The following PTPRR variants were observed in gnomAD, a reference collection of about 807,000 sequenced individuals.
PTPRR encodes receptor-type tyrosine-protein phosphatase R.
A neutral mutation model predicts 77.2 loss-of-function variants in PTPRR; 38 were observed. The observed-to-expected ratio is 0.49, with a 90% CI of 0.38 to 0.65. The LOEUF is 0.65. PTPRR is among the 30% of genes least tolerant of loss of function. The pLI is 0.00. For missense variants in PTPRR, 744 were observed against 799.2 expected (o/e 0.93, Z 0.83); for synonymous variants, 299 against 283.1 (o/e 1.06, Z -0.57).
At chr12:70,800,427 A>C (rs1891595530) in intron 2 of PTPRR, among the ~76,000 whole-genome samples, 2 of 152,234 alleles carry the variant, frequency 1.3e-5, no homozygotes, top group South Asian at 4.1e-4. Context: ...ATAAGCAGAA[A>C]CTTGAATATA....
At chr12:70,672,580 G>A (rs1243090443) in intron 10 of PTPRR, 1 of 1,425,406 alleles carries the variant, frequency 7.0e-7, no homozygotes, top group Non-Finnish European at 9.8e-7. Flanking sequence ...CCTTGCCTTG[G>A]TGACCAAGGA....
At chr12:70,899,961 C>T (rs1258713570) in intron 1 of PTPRR, among the ~76,000 whole-genome samples, 1 of 151,314 alleles carries the variant, frequency 6.6e-6, no homozygotes, top group Non-Finnish European at 1.5e-5. Context: ...AGGTATAAAT[C>T]TAACAGAACA....
intron 2 of PTPRR, among the ~76,000 whole-genome samples, chr12:70,800,650 T>C (rs909845029): frequency 2.6e-5 from 4 of 152,014 alleles, no homozygotes; most frequent in Non-Finnish European, 5.9e-5. Context: ...ATCCCAGCAC[T>C]GTGGGAGGCG....
chr12:70,702,040 T>G (rs1296381624), intron 6 of PTPRR, among the ~76,000 whole-genome samples: 2 of 152,096 alleles, frequency 1.3e-5, no homozygotes, highest in Non-Finnish European at 2.9e-5. Flanking sequence ...TATTTATGTG[T>G]ATATGTATGC....
intron 2 of PTPRR, among the ~76,000 whole-genome samples, chr12:70,777,804 G>C (rs951074270): frequency 9.9e-5 from 15 of 152,214 alleles, no homozygotes; most frequent in Admixed American, 9.2e-4. Context: ...GCGTGGAGAA[G>C]AGGGTCCCAC....
chr12:70,733,892 G>C (rs1393693378), intron 6 of PTPRR, among the ~76,000 whole-genome samples: 2 of 152,216 alleles, frequency 1.3e-5, no homozygotes, highest in Non-Finnish European at 2.9e-5. Context: ...TGAATTTGAT[G>C]AGAGGAGAGT....
chr12:70,751,569 G>A (rs545124973), intron 5 of PTPRR, among the ~76,000 whole-genome samples: 3 of 152,202 alleles, frequency 2.0e-5, no homozygotes, highest in South Asian at 4.1e-4. Context: ...TCTGCCTAGG[G>A]GTCCTTTACT....
At chr12:70,877,822 A>G (rs2137099848) in intron 2 of PTPRR, among the ~76,000 whole-genome samples, 1 of 152,300 alleles carries the variant, frequency 6.6e-6, no homozygotes, top group South Asian at 2.1e-4. Flanking sequence ...ACAAAGCTGG[A>G]GGCATCACAC....
At chr12:70,714,779 G>A (rs1433646472) in intron 6 of PTPRR, among the ~76,000 whole-genome samples, 2 of 152,134 alleles carry the variant, frequency 1.3e-5, no homozygotes, top group Admixed American at 6.5e-5. Flanking sequence ...GAGCCCAGGA[G>A]TTTGAGACCA....
rs757756442 is a variant in PTPRR, at chr12:70,745,989, G to A, written c.836C>T (p.Ala279Val). ...GTGGACTGTCTTTGCCTCGGACAGT[G>A]CTGGCTGTAATGTGATGGGCGATAG... ...IHLSPITLQP[A>V]LSEAKTVHSM... The change falls in exon 6 of 14, where the codon GCA becomes GTA. Residue 279 changes from alanine to valine, a missense_variant. Physicochemically the swap from Ala to Val is moderately conservative, Grantham distance 64. This residue lies in a region of PTPRR where 570 missense variants were observed against 573.2 expected (regional missense o/e 0.99). Transcript: ENST00000283228. 6.2e-7 allele frequency: 1 copy of A among 1,614,018 alleles called. No individual in the cohort carries two copies.
At chr12:70,900,593 A>G (rs974133887) in intron 1 of PTPRR, among the ~76,000 whole-genome samples, 3 of 151,682 alleles carry the variant, frequency 2.0e-5, no homozygotes, top group Non-Finnish European at 3.0e-5. Context: ...GTGATAACCC[A>G]CAGAATGGGA....
chr12:70,697,226 C>T (rs540421720), intron 8 of PTPRR, among the ~76,000 whole-genome samples: 8 of 152,182 alleles, frequency 5.3e-5, no homozygotes, highest in African/African-American at 1.9e-4. Flanking sequence ...ACATCCTTGC[C>T]AGCATTTTTT....
At chr12:70,874,849 G>C (rs1201424930) in intron 2 of PTPRR, among the ~76,000 whole-genome samples, 1 of 148,366 alleles carries the variant, frequency 6.7e-6, no homozygotes, top group Non-Finnish European at 1.5e-5. Flanking sequence ...TTGAACCCAG[G>C]AGGAGGAGGT....
intron 2 of PTPRR, among the ~76,000 whole-genome samples, chr12:70,856,096 T>G (rs1262823710): frequency 6.6e-6 from 1 of 152,180 alleles, no homozygotes; most frequent in Non-Finnish European, 1.5e-5. Flanking sequence ...AAAAAAAATC[T>G]TCAGGACTCA....
At chr12:70,888,129 G>A (rs1893273398) in intron 2 of PTPRR, among the ~76,000 whole-genome samples, 1 of 151,990 alleles carries the variant, frequency 6.6e-6, no homozygotes, top group African/African-American at 2.4e-5. Flanking sequence ...TTAGCAGCAT[G>A]TTCCAATAAT....
intron 6 of PTPRR, among the ~76,000 whole-genome samples, chr12:70,725,955 C>G (rs1344334945): frequency 6.6e-6 from 1 of 152,006 alleles, no homozygotes; most frequent in Non-Finnish European, 1.5e-5. Flanking sequence ...CTGTTGAACC[C>G]TAAATAGTAA....
intron 2 of PTPRR, among the ~76,000 whole-genome samples, chr12:70,775,643 C>G (rs1891071161): frequency 6.6e-6 from 1 of 152,160 alleles, no homozygotes; most frequent in Admixed American, 6.6e-5. Flanking sequence ...AAATGTCCAT[C>G]TTTCTTCCTA....
At chr12:70,718,880 A>G (rs759459223) in intron 6 of PTPRR, among the ~76,000 whole-genome samples, 19 of 152,196 alleles carry the variant, frequency 1.2e-4, no homozygotes, top group Non-Finnish European at 2.4e-4. Flanking sequence ...CAATTTGAAG[A>G]TAAGTCCTTT....
At chr12:70,724,402 C>T (rs1049076672) in intron 6 of PTPRR, among the ~76,000 whole-genome samples, 1 of 152,108 alleles carries the variant, frequency 6.6e-6, no homozygotes, top group African/African-American at 2.4e-5. Context: ...AACTTGTGCA[C>T]GTGCTTCACT....
Sources: allele counts gnomAD v4.1 joint callset (sites outside exome capture counted in the v4.1 genomes callset), GRCh38; gene constraint gnomAD v4.1.1; regional missense constraint gnomAD v4.1.1; transcripts MANE v1.5; gene names NCBI Gene and HGNC (gene_info 2026-07-23, HGNC 2026-07-21).